MB21D2: variants seen among roughly 807,000 people sequenced by gnomAD.
The protein encoded by MB21D2 is nucleotidyltransferase MB21D2.
A neutral mutation model predicts 33.3 loss-of-function variants in MB21D2; 9 were observed. The ratio of observed to expected loss-of-function variants is 0.27; its 90% CI spans 0.16 to 0.47. The LOEUF (loss-of-function observed/expected upper bound fraction) is 0.47, where lower values mean the gene tolerates loss of function less well. MB21D2 is among the 20% of genes least tolerant of loss of function. MB21D2 has a pLI of 0.99. For synonymous variants in MB21D2, 241 were observed against 236.3 expected (o/e 1.02, Z -0.18); for missense variants, 540 against 624.6 (o/e 0.86, Z 1.44).
At chr3:192,873,850 A>C (rs942630049) in intron 1 of MB21D2, among the ~76,000 whole-genome samples, 2 of 152,000 alleles carry the variant, frequency 1.3e-5, no homozygotes, top group African/African-American at 4.8e-5. Context: ...CTATAGGCGC[A>C]CACCACCACG....
At chr3:192,804,758 G>A (rs550571800) in intron 1 of MB21D2, among the ~76,000 whole-genome samples, 188 of 152,212 alleles carry the variant, frequency 1.2e-3, no homozygotes, top group African/African-American at 4.2e-3. Flanking sequence ...ATCCCCTAGG[G>A]TAAGTCTCCT....
chr3:192,802,925 T>C (rs1287866205), intron 1 of MB21D2, among the ~76,000 whole-genome samples: 1 of 152,260 alleles, frequency 6.6e-6, no homozygotes, highest in Non-Finnish European at 1.5e-5. Context: ...TACACACTGT[T>C]GTCTCCTCTT....
At chr3:192,857,851 G>A (rs144211299) in intron 1 of MB21D2, among the ~76,000 whole-genome samples, 267 of 152,224 alleles carry the variant, frequency 1.8e-3, no homozygotes, top group Middle Eastern at 0.01. Flanking sequence ...TAGGTCGGGC[G>A]CAGTGGCTCA....
intron 1 of MB21D2, among the ~76,000 whole-genome samples, chr3:192,883,395 G>C (rs1307676261): frequency 6.6e-6 from 1 of 152,042 alleles, no homozygotes; most frequent in Non-Finnish European, 1.5e-5. Context: ...AGAAGATCTA[G>C]TTTGTAGCAT....
rs147053423 is a variant in MB21D2 at position 192,842,493 on chromosome 3, T to C, written c.212-42843A>G. On this transcript the variant is annotated intron_variant, in intron 1 of 1. Coordinates refer to ENST00000392452, the MANE Select transcript of MB21D2 (RefSeq NM_178496.4). ...TGTAGACGTTATAGACACAAAATTATAGTAACTATGTAAGCTTCGTTTCCT... is the reference window on the plus strand; with the variant it reads ...TGTAGACGTTATAGACACAAAATTACAGTAACTATGTAAGCTTCGTTTCCT... 2.7e-3 allele frequency among the ~76,000 whole-genome samples: 409 copies of C among 152,376 alleles called. 2 individuals are homozygous for C. The highest frequency in any genetic ancestry group is 9.1e-3 in the African/African-American group (380 of 41,580).
chr3:192,916,709 C>A (rs938936600), intron 1 of MB21D2, among the ~76,000 whole-genome samples: 2 of 152,196 alleles, frequency 1.3e-5, no homozygotes, highest in Admixed American at 1.3e-4. Flanking sequence ...TGGGCTCGGT[C>A]TCCCGGGCCT....
At chr3:192,834,297 A>T (rs1013227689) in intron 1 of MB21D2, among the ~76,000 whole-genome samples, 1 of 151,490 alleles carries the variant, frequency 6.6e-6, no homozygotes, top group African/African-American at 2.4e-5. Context: ...AGCCCAGACG[A>T]CAAAGCGAGA....
Position 192,917,620 on chromosome 3 carries a change from TC to T in MB21D2, c.211+9del. On this transcript the variant is annotated intron_variant, in intron 1 of 1. Coordinates refer to ENST00000392452, the MANE Select transcript of MB21D2 (RefSeq NM_178496.4). ...ACACGCACACACACCTCCCCCTTTT[TC>T]CTCCTTACCCAGCATGGAAAAGATG... 1 of 1,613,900 alleles carries T rather than the reference TC, an allele frequency of 6.2e-7. No homozygotes were observed. Among genetic ancestry groups the T allele is most frequent in the Non-Finnish European group, 8.5e-7 (1 of 1,179,940 alleles).
Position 192,917,651 on chromosome 3 carries a change from C to T in MB21D2, c.190G>A (p.Asp64Asn). ...QRALEIHTAKDFIFSMLGMVQ... is the reference protein window; with the variant it reads ...QRALEIHTAKNFIFSMLGMVQ... ...TTACCCAGCATGGAAAAGATGAAATCCTTGGCTGTGTGAATCTCCAGCGCT... is the reference window on the plus strand; with the variant it reads ...TTACCCAGCATGGAAAAGATGAAATTCTTGGCTGTGTGAATCTCCAGCGCT... The change falls in exon 1 of 2, where the codon GAT (aspartate) becomes AAT (asparagine). Residue 64 changes from aspartate to asparagine, a missense_variant. Physicochemically the swap from Asp to Asn is conservative, Grantham distance 23 (BLOSUM62 1). Transcript: ENST00000392452. 4 of 1,614,186 alleles carry T rather than the reference C, an allele frequency of 2.5e-6. No individual in the cohort carries two copies. The highest frequency in any genetic ancestry group is 3.4e-6 in the Non-Finnish European group (4 of 1,180,030).
intron 1 of MB21D2, among the ~76,000 whole-genome samples, chr3:192,889,392 G>GA: frequency 6.6e-6 from 1 of 152,248 alleles, no homozygotes; most frequent in Middle Eastern, 3.4e-3. Flanking sequence ...GCTCTTGGCA[G>GA]AAAAGAATTC....
chr3:192,905,079 G>A (rs1268335519), intron 1 of MB21D2, among the ~76,000 whole-genome samples: 1 of 152,176 alleles, frequency 6.6e-6, no homozygotes, highest in Non-Finnish European at 1.5e-5. Context: ...AACACAATCC[G>A]CGCAAGCAGC....
chr3:192,817,526 C>G (rs1234636369), intron 1 of MB21D2, among the ~76,000 whole-genome samples: 1 of 152,210 alleles, frequency 6.6e-6, no homozygotes, highest in Non-Finnish European at 1.5e-5. Flanking sequence ...AGGACTCAAT[C>G]ATGACAGCTA....
At chr3:192,815,388 C>T (rs890411842) in intron 1 of MB21D2, among the ~76,000 whole-genome samples, 2 of 152,150 alleles carry the variant, frequency 1.3e-5, no homozygotes, top group African/African-American at 2.4e-5. Flanking sequence ...AACCGAGAGG[C>T]TTGTTAAAAA....
At chr3:192,885,618 T>C (rs1346098993) in intron 1 of MB21D2, among the ~76,000 whole-genome samples, 1 of 152,012 alleles carries the variant, frequency 6.6e-6, no homozygotes, top group African/African-American at 2.4e-5. Flanking sequence ...AAAACCACCA[T>C]TCGTCTCAGA....
chr3:192,871,813 A>G (rs987949248), intron 1 of MB21D2, among the ~76,000 whole-genome samples: 2 of 152,104 alleles, frequency 1.3e-5, no homozygotes, highest in African/African-American at 4.8e-5. Context: ...GAGGGGAGTG[A>G]CATGATGGGG....
At position 192,859,309 on chromosome 3, in the gene MB21D2, T is replaced by C. The variant is rs534056890; in HGVS notation, c.211+58321A>G. Among the ~76,000 whole-genome samples, 16 of 152,256 alleles carry C rather than the reference T, an allele frequency of 1.1e-4. No individual in the cohort carries two copies. The East Asian group carries it at 2.7e-3, about 26-fold the overall frequency. On this transcript the variant is annotated intron_variant, in intron 1 of 1. Transcript: ENST00000392452. Reference sequence around the variant, plus strand: ...AGTACACACACAGATACATGCATACTCTCTCATCTTCCACTGTCTCTCAAT... The same window carrying C: ...AGTACACACACAGATACATGCATACCCTCTCATCTTCCACTGTCTCTCAAT...
chr3:192,884,416 G>C (rs755493738), intron 1 of MB21D2, among the ~76,000 whole-genome samples: 1 of 151,878 alleles, frequency 6.6e-6, no homozygotes, highest in African/African-American at 2.4e-5. Flanking sequence ...ACCCAGGCTG[G>C]AGTGCAGTGG....
rs148729339 is a variant in MB21D2, at chr3:192,862,204, C to A, written c.211+55426G>T. 1.3e-3 allele frequency among the ~76,000 whole-genome samples: 204 copies of A among 152,292 alleles called. 1 individual carries two copies. Among genetic ancestry groups the A allele is most frequent in the African/African-American group, 4.7e-3 (196 of 41,554 alleles). On this transcript the variant is annotated intron_variant, in intron 1 of 1. Coordinates refer to ENST00000392452, the MANE Select transcript of MB21D2 (RefSeq NM_178496.4). The stretch of plus-strand genomic sequence containing the variant: ...CTTACCACACCTGTTTCAACCAACA[C>A]CCTGAAAGTTCTGCCAACGTGGAGG...
chr3:192,884,459 C>T lies in MB21D2; in HGVS notation c.211+33171G>A, dbSNP rs530638025. The stretch of plus-strand genomic sequence containing the variant: ...TAGGCTCACTGCAAGCTCCGCCTCC[C>T]GGGTTCACTCCATTCTCCTGCCTCA... On this transcript the variant is annotated intron_variant, in intron 1 of 1. Transcript: ENST00000392452. 1.1e-3 allele frequency among the ~76,000 whole-genome samples: 168 copies of T among 151,880 alleles called. 2 individuals carry two copies. Among genetic ancestry groups the T allele is most frequent in the African/African-American group, 3.5e-3 (143 of 41,282 alleles).
Sources: gnomAD v4.1 joint callset for allele counts (sites outside exome capture counted in the v4.1 genomes callset) on GRCh38, gnomAD v4.1.1 for gene constraint, MANE v1.5 for transcripts, NCBI Gene and HGNC (gene_info 2026-07-23, HGNC 2026-07-21) for gene names.